SEC22C: variants seen among roughly 807,000 people sequenced by gnomAD.
SEC22C encodes SEC22 homolog C, vesicle trafficking protein, also known as vesicle-trafficking protein SEC22c.
A neutral mutation model predicts 34.7 loss-of-function variants in SEC22C; 29 were observed. That is an observed-to-expected ratio of 0.84 (90% CI 0.62 to 1.14). The LOEUF is 1.14. SEC22C is among the 50% of genes most tolerant of loss of function. SEC22C has a pLI of 0.00. For missense variants in SEC22C, 337 were observed against 369.0 expected (o/e 0.91, Z 0.71); for synonymous variants, 117 against 132.8 (o/e 0.88, Z 0.82).
chr3:42,574,557 G>T (rs1172447633), intron 1 of SEC22C, among the ~76,000 whole-genome samples: 1 of 152,092 alleles, frequency 6.6e-6, no homozygotes, highest in Non-Finnish European at 1.5e-5. Context: ...ATTCTCTCAT[G>T]AGTTTTCTAA....
intron 1 of SEC22C, chr3:42,594,688 A>T: frequency 2.0e-6 from 1 of 495,128 alleles, no homozygotes; most frequent in African/African-American, 2.0e-5. Flanking sequence ...ACTTAGCTGT[A>T]TTCTCATGTA....
At chr3:42,579,276 TCAAAACAAAA>T (rs977170417) in intron 1 of SEC22C, among the ~76,000 whole-genome samples, 22 of 143,148 alleles carry the variant, frequency 1.5e-4, no homozygotes, top group Non-Finnish European at 2.3e-4. Context: ...AAACTCCATC[TCAAAACAAAA>T]CAAAACAAAA....
In SEC22C at chr3:42,549,401, G is replaced by C. The variant is rs945955895; in HGVS notation, c.*3847C>G. ...ATAGCAGCCCTGGCTACAAGGTGCA[G>C]TGTGCAACCCCCATATGCCAAGGGG... On this transcript the variant is annotated 3_prime_UTR_variant, in exon 7 of 7. Coordinates refer to ENST00000264454, the MANE Select transcript of SEC22C (RefSeq NM_032970.4). The C allele has an allele frequency of 1.0e-6, 1 of 985,522 alleles. No homozygotes were observed. The highest frequency in any genetic ancestry group is 4.7e-5 in the South Asian group (1 of 21,302). 61.0% of individuals were successfully genotyped at this position (985,522 alleles called of 1,614,324 possible).
rs1577295754 is a variant in SEC22C at position 42,556,071 on chromosome 3, C to T, written c.646-76G>A. 31 of 1,138,392 alleles carry T rather than the reference C, an allele frequency of 2.7e-5. No homozygotes were observed. In the East Asian group the frequency reaches 7.7e-4, roughly 28 times the overall value. 70.5% of individuals were successfully genotyped at this position (1,138,392 alleles called of 1,614,324 possible). On this transcript the variant is annotated intron_variant, in intron 5 of 6. Coordinates refer to ENST00000264454, the MANE Select transcript of SEC22C (RefSeq NM_032970.4). ...ACACTGTGACATAAAGCACTTTACT[C>T]TGCCTTCTGTCTGGTATGGTTGACA...
intron 5 of SEC22C, among the ~76,000 whole-genome samples, chr3:42,557,227 G>T (rs866588490): frequency 1.3e-5 from 2 of 152,250 alleles, no homozygotes; most frequent in African/African-American, 2.4e-5. Flanking sequence ...AGGAGAAAAA[G>T]AACCTGAACC....
intron 1 of SEC22C, chr3:42,587,412 T>G (rs976355091): frequency 6.6e-6 from 1 of 152,256 alleles, no homozygotes; most frequent in African/African-American, 2.4e-5. Flanking sequence ...TTTTTTTACC[T>G]GATAGAAACT....
intron 2 of SEC22C, chr3:42,565,865 A>C (rs1437385881): frequency 2.2e-6 from 1 of 455,312 alleles, no homozygotes; most frequent in East Asian, 6.9e-5. Context: ...TTACTATTAA[A>C]AGCTATGGTA....
At chr3:42,595,157 AGAT>A (rs1171193044) in intron 1 of SEC22C, 1 of 152,268 alleles carries the variant, frequency 6.6e-6, no homozygotes, top group African/African-American at 2.4e-5. Flanking sequence ...ATCTGATAAT[AGAT>A]GATGTTTAAT....
chr3:42,571,357 C>T (rs1703615050), intron 1 of SEC22C, among the ~76,000 whole-genome samples: 1 of 152,124 alleles, frequency 6.6e-6, no homozygotes, highest in South Asian at 2.1e-4. Context: ...GTTACTAGTA[C>T]TGCAAACTAG....
At position 42,551,241 on chromosome 3, in the gene SEC22C, C is replaced by G. The variant is rs1702241963; in HGVS notation, c.*2007G>C. On this transcript the variant is annotated 3_prime_UTR_variant, in exon 7 of 7. Transcript: ENST00000264454. Reference sequence around the variant, plus strand: ...TCTTCAAAATTGTCTCCCAGAAAAACTGAAAATTCACCTGCTGGGTATGCA... The same window carrying G: ...TCTTCAAAATTGTCTCCCAGAAAAAGTGAAAATTCACCTGCTGGGTATGCA... 2 of 985,304 alleles carry G rather than the reference C, an allele frequency of 2.0e-6. No homozygotes were observed. Among genetic ancestry groups the G allele is most frequent in the South Asian group, 9.4e-5 (2 of 21,292 alleles). The allele number at this position is 985,304 out of a possible 1,614,324, so 61.0% of individuals were successfully genotyped here. A position where few individuals can be genotyped will look rare whatever the true frequency, so the allele number is the denominator to read the frequency against.
chr3:42,583,837 G>A (rs1413224157), upstream of SEC22C, among the ~76,000 whole-genome samples: 1 of 152,200 alleles, frequency 6.6e-6, no homozygotes. Flanking sequence ...AACTCTAGGA[G>A]ATTAGGTAGT....
chr3:42,573,021 C>CT (rs56862964), intron 1 of SEC22C, among the ~76,000 whole-genome samples: 40,791 of 151,356 alleles, frequency 0.27, 6,242 homozygotes, highest in East Asian at 0.46. Context: ...CACACCACTA[C>CT]TTTTTTTTTC....
intron 1 of SEC22C, among the ~76,000 whole-genome samples, chr3:42,571,290 C>T (rs1162626940): frequency 6.6e-6 from 1 of 152,156 alleles, no homozygotes; most frequent in Non-Finnish European, 1.5e-5. Flanking sequence ...CTTGCTTTTC[C>T]TCAAATATTA....
At chr3:42,600,973 C>T (rs753794362) in exon 1 of SEC22C, 5 of 1,516,788 alleles carry the variant, frequency 3.3e-6, no homozygotes, top group Non-Finnish European at 1.8e-6. Flanking sequence ...TTTTCTCCCC[C>T]TCTCTCCCAG....
At chr3:42,586,241 G>A (rs989306107), upstream of SEC22C, among the ~76,000 whole-genome samples, 3 of 151,928 alleles carry the variant, frequency 2.0e-5, no homozygotes, top group East Asian at 5.8e-4. Flanking sequence ...TGTTGTTGTT[G>A]TTGAGACAGA....
chr3:42,569,176 A>G (rs1366996882), intron 1 of SEC22C, 103 bp from the exon 2 acceptor site: 2 of 700,678 alleles, frequency 2.9e-6, no homozygotes, highest in African/African-American at 1.8e-5. Context: ...CCTCATTCTT[A>G]CTATAATTGC....
intron 3 of SEC22C, among the ~76,000 whole-genome samples, chr3:42,561,790 A>G (rs1440893016): frequency 6.6e-6 from 1 of 152,236 alleles, no homozygotes; most frequent in African/African-American, 2.4e-5. Context: ...TGTCTGATCA[A>G]TCACTTCAGA....
intron 2 of SEC22C, chr3:42,564,448 C>T (rs1488251270): frequency 6.5e-6 from 1 of 154,014 alleles, no homozygotes; most frequent in Non-Finnish European, 1.4e-5. Context: ...AGTTGTGGCA[C>T]ACTTCTTCCA....
At chr3:42,568,590 G>A (rs937098519) in intron 2 of SEC22C, among the ~76,000 whole-genome samples, 44 of 150,456 alleles carry the variant, frequency 2.9e-4, no homozygotes, top group African/African-American at 1.1e-3. Context: ...AGGTTGCAGT[G>A]AGCCAAGATG....
Sources: gnomAD v4.1 joint callset for allele counts (sites outside exome capture counted in the v4.1 genomes callset) on GRCh38, gnomAD v4.1.1 for gene constraint, MANE v1.5 for transcripts, NCBI Gene and HGNC (gene_info 2026-07-23, HGNC 2026-07-21) for gene names.